ZFPM2: variants seen among roughly 807,000 people sequenced by gnomAD.
ZFPM2 encodes zinc finger protein ZFPM2.
Under a neutral mutation model 98.6 loss-of-function variants are expected in ZFPM2, and 20 were observed. The ratio of observed to expected loss-of-function variants is 0.20; its 90% CI spans 0.14 to 0.29. The LOEUF (loss-of-function observed/expected upper bound fraction) is 0.29, where lower values mean the gene tolerates loss of function less well. Among genes scored for constraint, ZFPM2 ranks in the 10% least tolerant of loss-of-function variants. The probability of loss-of-function intolerance (pLI) is 1.00; values close to 1 mark genes in which losing one functional copy is unlikely to be tolerated. For synonymous variants in ZFPM2, 518 were observed against 502.7 expected (o/e 1.03, Z -0.41); for missense variants, 1,310 against 1,388.6 (o/e 0.94, Z 0.90).
At chr8:105,352,139 T>G (rs561107118) in intron 1 of ZFPM2, among the ~76,000 whole-genome samples, 1 of 152,314 alleles carries the variant, frequency 6.6e-6, no homozygotes, top group African/African-American at 2.4e-5. Context: ...TTCCTAAACT[T>G]CATGCATCTT....
intron 4 of ZFPM2, among the ~76,000 whole-genome samples, chr8:105,623,639 C>T (rs1458633648): frequency 1.3e-5 from 2 of 152,170 alleles, no homozygotes; most frequent in African/African-American, 2.4e-5. Flanking sequence ...AAGATGGACA[C>T]ATCTTAGCGT....
At chr8:105,496,586 T>C (rs1199688924) in intron 3 of ZFPM2, among the ~76,000 whole-genome samples, 1 of 152,058 alleles carries the variant, frequency 6.6e-6, no homozygotes, top group East Asian at 1.9e-4. Context: ...GAACTTAATC[T>C]CCTGGCTGAG....
intron 1 of ZFPM2, among the ~76,000 whole-genome samples, chr8:105,334,161 G>T (rs568550241): frequency 9.1e-5 from 11 of 121,220 alleles, no homozygotes; most frequent in Admixed American, 6.2e-4. Flanking sequence ...TGTGTGTGTG[G>T]TGGGGGGAGG....
At chr8:105,410,036 A>G (rs1811544239) in intron 1 of ZFPM2, among the ~76,000 whole-genome samples, 1 of 151,936 alleles carries the variant, frequency 6.6e-6, no homozygotes, top group African/African-American at 2.4e-5. Context: ...TAGGAAAAGA[A>G]TCGCTTTAAT....
At chr8:105,475,636 A>G (rs1812998583) in intron 3 of ZFPM2, among the ~76,000 whole-genome samples, 1 of 152,230 alleles carries the variant, frequency 6.6e-6, no homozygotes, top group South Asian at 2.1e-4. Flanking sequence ...TACAAATTTC[A>G]ATGTGAATTA....
intron 5 of ZFPM2, among the ~76,000 whole-genome samples, chr8:105,640,349 A>T (rs954409653): frequency 1.3e-5 from 2 of 151,986 alleles, no homozygotes; most frequent in African/African-American, 4.8e-5. Flanking sequence ...TTATTCAAAC[A>T]CTAAAACAGC....
chr8:105,366,383 T>A (rs1215046147), intron 1 of ZFPM2, among the ~76,000 whole-genome samples: 1 of 152,164 alleles, frequency 6.6e-6, no homozygotes, highest in Non-Finnish European at 1.5e-5. Context: ...TCTTTTTACT[T>A]TTTTAACAAA....
chr8:105,646,276 T>C (rs529809191), intron 5 of ZFPM2, among the ~76,000 whole-genome samples: 52 of 152,206 alleles, frequency 3.4e-4, no homozygotes, highest in African/African-American at 1.1e-3. Context: ...TGGTTAGCAG[T>C]CTCCCATCAG....
intron 5 of ZFPM2, among the ~76,000 whole-genome samples, chr8:105,689,456 C>A (rs1203702071): frequency 6.6e-6 from 1 of 152,152 alleles, no homozygotes; most frequent in African/African-American, 2.4e-5. Flanking sequence ...AGCATTTCTG[C>A]TGATACACAG....
intron 3 of ZFPM2, among the ~76,000 whole-genome samples, chr8:105,469,521 A>G (rs1166634557): frequency 1.3e-5 from 2 of 152,130 alleles, no homozygotes; most frequent in African/African-American, 4.8e-5. Flanking sequence ...CATTCACACA[A>G]TATTTCTTGA....
chr8:105,515,937 G>T (rs1270217740), intron 3 of ZFPM2, among the ~76,000 whole-genome samples: 6 of 74,698 alleles, frequency 8.0e-5, no homozygotes, highest in East Asian at 4.9e-4. Context: ...TTTTTTTTGA[G>T]ATGGAGTTTT....
intron 5 of ZFPM2, among the ~76,000 whole-genome samples, chr8:105,712,641 G>A (rs1171769910): frequency 6.6e-6 from 1 of 151,890 alleles, no homozygotes; most frequent in South Asian, 2.1e-4. Context: ...TGAGGTTTGG[G>A]CTTCTACTGA....
At chr8:105,349,207 A>G (rs956505863) in intron 1 of ZFPM2, among the ~76,000 whole-genome samples, 2 of 152,222 alleles carry the variant, frequency 1.3e-5, no homozygotes, top group African/African-American at 4.8e-5. Flanking sequence ...TAAATCAGTC[A>G]TGAAGCTATT....
intron 4 of ZFPM2, among the ~76,000 whole-genome samples, chr8:105,619,515 A>G (rs537809716): frequency 6.6e-6 from 1 of 152,104 alleles, no homozygotes; most frequent in African/African-American, 2.4e-5. Flanking sequence ...AAATTATAAA[A>G]TGATTATTTT....
chr8:105,436,239 C>T (rs1298087185), intron 2 of ZFPM2, among the ~76,000 whole-genome samples: 2 of 151,884 alleles, frequency 1.3e-5, no homozygotes, highest in Non-Finnish European at 2.9e-5. Flanking sequence ...TATGCAAGTG[C>T]CTGGGCGCGG....
At chr8:105,433,592 C>G (rs1182860947) in intron 2 of ZFPM2, among the ~76,000 whole-genome samples, 1 of 152,092 alleles carries the variant, frequency 6.6e-6, no homozygotes, top group African/African-American at 2.4e-5. Flanking sequence ...TCGAGACCAT[C>G]CTGGCTAACA....
At chr8:105,422,716 G>A (rs1423370530) in intron 2 of ZFPM2, among the ~76,000 whole-genome samples, 1 of 151,984 alleles carries the variant, frequency 6.6e-6, no homozygotes. Context: ...CAAAAAATGT[G>A]GCTAGAAGGT....
chr8:105,647,611 A>G (rs1019781150), intron 5 of ZFPM2, among the ~76,000 whole-genome samples: 4 of 148,898 alleles, frequency 2.7e-5, no homozygotes, highest in African/African-American at 9.9e-5. Flanking sequence ...CCCACCTGTG[A>G]GTGAGAACAT....
chr8:105,485,978 G>C (rs1380022816), intron 3 of ZFPM2, among the ~76,000 whole-genome samples: 2 of 152,068 alleles, frequency 1.3e-5, no homozygotes, highest in Non-Finnish European at 2.9e-5. Flanking sequence ...TACTAGAGCA[G>C]GTTCAATAAC....
Sources: gnomAD v4.1 joint callset for allele counts (sites outside exome capture counted in the v4.1 genomes callset) on GRCh38, gnomAD v4.1.1 for gene constraint, MANE v1.5 for transcripts, NCBI Gene and HGNC (gene_info 2026-07-23, HGNC 2026-07-21) for gene names.